NELL2: variants seen among roughly 807,000 people sequenced by gnomAD.
NELL2 encodes the protein protein kinase C-binding protein NELL2.
Under a neutral mutation model 109.6 loss-of-function variants are expected in NELL2, and 41 were observed. That is an observed-to-expected ratio of 0.37 (90% CI 0.29 to 0.49). The LOEUF is 0.49. Among genes scored for constraint, NELL2 ranks in the 20% least tolerant of loss-of-function variants. NELL2 has a pLI of 0.98. For synonymous variants in NELL2, 355 were observed against 344.7 expected, an observed-to-expected ratio of 1.03 and a Z score of -0.33; for missense variants, 900 against 1,008.3, an observed-to-expected ratio of 0.89 and a Z score of 1.45.
intron 11 of NELL2, among the ~76,000 whole-genome samples, chr12:44,705,648 ACTAT>A (rs1433968015): frequency 3.4e-5 from 5 of 146,414 alleles, no homozygotes; most frequent in Non-Finnish European, 6.1e-5. Context: ...AGTCATCTTC[ACTAT>A]CTATCCCAAT....
chr12:44,704,159 A>G, intron 11 of NELL2, among the ~76,000 whole-genome samples: 1 of 152,136 alleles, frequency 6.6e-6, no homozygotes, highest in Non-Finnish European at 1.5e-5. Flanking sequence ...AAGAAATATT[A>G]TTAGGGTACA....
At chr12:44,918,187 T>C (rs1945842656), upstream of NELL2, among the ~76,000 whole-genome samples, 1 of 152,150 alleles carries the variant, frequency 6.6e-6, no homozygotes, top group Non-Finnish European at 1.5e-5. Flanking sequence ...GTGGTGGTAG[T>C]GGTGGAAATG....
In NELL2 at chr12:44,544,890, G is replaced by A. The variant is rs377653005; in HGVS notation, c.1664-12169C>T. 3.3e-5 allele frequency among the ~76,000 whole-genome samples: 5 copies of A among 152,086 alleles called. No individual in the cohort carries two copies. The East Asian group carries it at 5.8e-4, about 18-fold the overall frequency. On this transcript the variant is annotated intron_variant, in intron 15 of 19. Transcript: ENST00000429094. ...TACAATTAGACCCAATTTGATGAAAGTACTAAAGTTGAGATTACAGAGAGA... is the reference window on the plus strand; with the variant it reads ...TACAATTAGACCCAATTTGATGAAAATACTAAAGTTGAGATTACAGAGAGA...
intron 2 of NELL2, among the ~76,000 whole-genome samples, chr12:44,831,188 C>T (rs1292424539): frequency 6.6e-6 from 1 of 152,032 alleles, no homozygotes; most frequent in African/African-American, 2.4e-5. Flanking sequence ...ACTGTCTAAA[C>T]TAATCTCTGT....
At chr12:44,656,602 T>A (rs1174082840) in intron 13 of NELL2, among the ~76,000 whole-genome samples, 1 of 152,244 alleles carries the variant, frequency 6.6e-6, no homozygotes, top group Admixed American at 6.5e-5. Context: ...CAAGGCACTT[T>A]ACAACTAAAA....
At chr12:44,631,870 C>A (rs1447849739) in intron 13 of NELL2, among the ~76,000 whole-genome samples, 1 of 151,860 alleles carries the variant, frequency 6.6e-6, no homozygotes, top group East Asian at 1.9e-4. Flanking sequence ...AAAGGCATTA[C>A]AAAAAACAAA....
chr12:44,513,768 T>C (rs1297746259), intron 19 of NELL2, among the ~76,000 whole-genome samples: 1 of 151,858 alleles, frequency 6.6e-6, no homozygotes, highest in East Asian at 1.9e-4. Context: ...AGAACTTTAG[T>C]GACCTTTAGG....
intron 2 of NELL2, among the ~76,000 whole-genome samples, chr12:44,818,353 TCTC>T (rs1465696192): frequency 2.6e-5 from 4 of 152,216 alleles, no homozygotes; most frequent in Non-Finnish European, 4.4e-5. Flanking sequence ...ATATTATGCT[TCTC>T]CTCTTTTCAG....
intron 2 of NELL2, among the ~76,000 whole-genome samples, chr12:44,861,249 C>T (rs987791100): frequency 2.6e-5 from 4 of 152,184 alleles, no homozygotes; most frequent in Admixed American, 2.6e-4. Context: ...AAAATGAGCA[C>T]TTGACTTTGT....
intron 2 of NELL2, among the ~76,000 whole-genome samples, chr12:44,858,112 G>A (rs575731235): frequency 5.9e-5 from 9 of 152,294 alleles, no homozygotes; most frequent in African/African-American, 1.9e-4. Context: ...GTCAGGCATA[G>A]TTTTGTTCCT....
chr12:44,756,006 A>G (rs1026360055), intron 9 of NELL2, among the ~76,000 whole-genome samples: 1 of 152,186 alleles, frequency 6.6e-6, no homozygotes, highest in Non-Finnish European at 1.5e-5. Flanking sequence ...TTTTCGGTAC[A>G]CTGTTAACTT....
At chr12:44,787,017 A>C (rs1406635187) in intron 3 of NELL2, among the ~76,000 whole-genome samples, 1 of 152,148 alleles carries the variant, frequency 6.6e-6, no homozygotes, top group Non-Finnish European at 1.5e-5. Context: ...TGTTCTGCAT[A>C]TGTATCCCAG....
chr12:44,748,117 C>G (rs78654298), intron 9 of NELL2, among the ~76,000 whole-genome samples: 3,110 of 152,234 alleles, frequency 0.02, 102 homozygotes, highest in African/African-American at 0.071. Flanking sequence ...ATTAGCTGCA[C>G]TTAGTGCCTG....
At chr12:44,857,692 T>A (rs1345393165) in intron 2 of NELL2, among the ~76,000 whole-genome samples, 1 of 152,222 alleles carries the variant, frequency 6.6e-6, no homozygotes, top group Admixed American at 6.5e-5. Context: ...GTAATTATGT[T>A]GGGGTTGCTG....
chr12:44,523,472 C>T lies in NELL2; in HGVS notation c.1817G>A (p.Cys606Tyr). The stretch of plus-strand genomic sequence containing the variant: ...GGCACAGCTGTGCCTCCCGGTCCCA[C>T]ACTCATCAATATCTATAGACAAGAA... ...SGESCEDIDE[C>Y]GTGRHSCAND... Residue 606 changes from cysteine (C) to tyrosine (Y), a missense_variant, in exon 17 of 20, where the codon TGT (cysteine) becomes TAT (tyrosine). By Grantham distance (194) the Cys-to-Tyr change is radical. Coordinates refer to ENST00000429094, the MANE Select transcript of NELL2 (RefSeq NM_001145108.2). 1 of 1,613,526 alleles carries T rather than the reference C, an allele frequency of 6.2e-7. No individual in the cohort carries two copies.
At chr12:44,755,446 C>T (rs1346780115) in intron 9 of NELL2, among the ~76,000 whole-genome samples, 1 of 151,710 alleles carries the variant, frequency 6.6e-6, no homozygotes, top group Admixed American at 6.6e-5. Flanking sequence ...CACAGTCTCT[C>T]TCTCTGTCAC....
At chr12:44,616,421 A>C (rs1156475840) in intron 13 of NELL2, among the ~76,000 whole-genome samples, 2 of 133,236 alleles carry the variant, frequency 1.5e-5, no homozygotes, top group Admixed American at 7.5e-5. Flanking sequence ...TAAGTAAATT[A>C]TCTCTTAGAT....
At chr12:44,712,589 T>G (rs934586298) in intron 10 of NELL2, among the ~76,000 whole-genome samples, 5 of 151,984 alleles carry the variant, frequency 3.3e-5, no homozygotes, top group African/African-American at 1.2e-4. Context: ...GAGCTGTCAA[T>G]TCTGCAACAC....
intron 15 of NELL2, among the ~76,000 whole-genome samples, chr12:44,581,634 GA>G (rs5797905): frequency 6.8e-6 from 1 of 146,720 alleles, no homozygotes; most frequent in Non-Finnish European, 1.5e-5. Context: ...TTGGTTAAAA[GA>G]AAAAAAAATA....
Sources: gnomAD v4.1 joint callset for allele counts (sites outside exome capture counted in the v4.1 genomes callset) on GRCh38, gnomAD v4.1.1 for gene constraint, MANE v1.5 for transcripts, NCBI Gene and HGNC (gene_info 2026-07-23, HGNC 2026-07-21) for gene names.